Variants in NXPH1 observed in about 807,000 individuals in gnomAD.
NXPH1 encodes neurexophilin-1.
NXPH1 carries 5 observed loss-of-function variants against 23.7 expected under a neutral mutation model. The observed-to-expected ratio is 0.21, with a 90% CI of 0.11 to 0.44. The LOEUF is 0.44. Among genes scored for constraint, NXPH1 ranks in the 20% least tolerant of loss-of-function variants. The pLI, the probability that NXPH1 is intolerant of heterozygous loss-of-function variation, is 0.99. For missense variants in NXPH1, 324 were observed against 321.6 expected (o/e 1.01, Z -0.06); for synonymous variants, 144 against 122.2 (o/e 1.18, Z -1.18).
intron 2 of NXPH1, among the ~76,000 whole-genome samples, chr7:8,738,575 A>G (rs562448898): frequency 2.8e-4 from 42 of 152,250 alleles, no homozygotes; most frequent in African/African-American, 1.0e-3. Flanking sequence ...GCTTGGGGGT[A>G]TCTCCCAGTC....
rs1397826241 is a variant in NXPH1 at position 8,710,451 on chromosome 7, TCA to T, written c.55-40556_55-40555del. ...AGGTTTGTTCTCTGTCTTCTGCAAC[TCA>T]TATTTTACATTTTAAAGAAGCATTT... On this transcript the variant is annotated intron_variant, in intron 2 of 2. Coordinates refer to ENST00000405863, the MANE Select transcript of NXPH1 (RefSeq NM_152745.3). Among the ~76,000 whole-genome samples, 4 of 152,162 alleles carry T rather than the reference TCA, an allele frequency of 2.6e-5. No homozygotes were observed. The East Asian group carries it at 7.7e-4, about 29-fold the overall frequency.
chr7:8,721,263 TGAGA>T (rs1779965838), intron 2 of NXPH1, among the ~76,000 whole-genome samples: 4 of 152,040 alleles, frequency 2.6e-5, no homozygotes, highest in African/African-American at 9.6e-5. Flanking sequence ...TGCATAAATA[TGAGA>T]GAGAGTAAGA....
At chr7:8,525,383 T>C (rs928700855) in intron 2 of NXPH1, among the ~76,000 whole-genome samples, 1 of 152,180 alleles carries the variant, frequency 6.6e-6, no homozygotes, top group Non-Finnish European at 1.5e-5. Flanking sequence ...AATAAAAGTT[T>C]GGAGAATTTG....
In NXPH1 at chr7:8,436,091, A is replaced by G. The variant is rs554493560; in HGVS notation, c.54+324A>G. On this transcript the variant is annotated intron_variant, in intron 2 of 2. Transcript: ENST00000405863. ...CCAACGAGAAGAAGTGGAAGGCAGG[A>G]ACTCTCAGTAGCTCATGCACAGAGT... Among the ~76,000 whole-genome samples the G allele has an allele frequency of 4.6e-4, 70 of 152,276 alleles. 1 individual carries two copies. Among genetic ancestry groups the G allele is most frequent in the Non-Finnish European group, 2.1e-4 (14 of 68,016 alleles).
chr7:8,516,238 C>G (rs1554429693), intron 2 of NXPH1, among the ~76,000 whole-genome samples: 2 of 152,048 alleles, frequency 1.3e-5, no homozygotes, highest in Non-Finnish European at 2.9e-5. Flanking sequence ...TCTACTATAT[C>G]TCTTTCCTCC....
intron 2 of NXPH1, among the ~76,000 whole-genome samples, chr7:8,732,203 T>C (rs7810782): frequency 0.65 from 98,741 of 152,172 alleles, 33,457 homozygotes; most frequent in African/African-American, 0.85. Context: ...CTTCGGCTCG[T>C]GCATGGTGCG....
chr7:8,464,562 T>C (rs1816747599), intron 2 of NXPH1, among the ~76,000 whole-genome samples: 1 of 152,212 alleles, frequency 6.6e-6, no homozygotes, highest in South Asian at 2.1e-4. Flanking sequence ...TCAAGGCACC[T>C]CCTTAACATA....
chr7:8,657,924 G>A (rs1183905126), intron 2 of NXPH1, among the ~76,000 whole-genome samples: 2 of 152,070 alleles, frequency 1.3e-5, no homozygotes, highest in Non-Finnish European at 2.9e-5. Flanking sequence ...GCTACTCGGG[G>A]GGCTGAAGTA....
intron 2 of NXPH1, among the ~76,000 whole-genome samples, chr7:8,535,733 T>A (rs12667808): frequency 0.27 from 41,439 of 151,864 alleles, 6,921 homozygotes; most frequent in Admixed American, 0.41. Flanking sequence ...AGATAAGGGA[T>A]CAGGCAAAGC....
At chr7:8,692,885 G>A (rs1239424105) in intron 2 of NXPH1, among the ~76,000 whole-genome samples, 3 of 152,150 alleles carry the variant, frequency 2.0e-5, no homozygotes, top group Admixed American at 2.0e-4. Flanking sequence ...CAAGGAAGAA[G>A]GGGATTTGAA....
In NXPH1 at chr7:8,435,822, G is replaced by A. The variant is rs1816184113; in HGVS notation, c.54+55G>A. On this transcript the variant is annotated intron_variant, in intron 2 of 2. Coordinates refer to ENST00000405863, the MANE Select transcript of NXPH1 (RefSeq NM_152745.3). This position sits in a 1 kb window ranked among gnomAD's most constrained non-coding sequence, Gnocchi z 5.9. ...ATTTTTACCCCGGCCGGGAGGCAAG[G>A]AAACTGGGGACACGCGGGAGAAGGG... The A allele has an allele frequency of 4.6e-6, 7 of 1,526,296 alleles. No individual in the cohort carries two copies. The highest frequency in any genetic ancestry group is 4.5e-5 in the East Asian group (2 of 44,448). 94.5% of individuals were successfully genotyped at this position (1,526,296 alleles called of 1,614,324 possible).
chr7:8,600,842 C>G (rs1015566749), intron 2 of NXPH1, among the ~76,000 whole-genome samples: 1 of 151,822 alleles, frequency 6.6e-6, no homozygotes, highest in African/African-American at 2.4e-5. Context: ...CCTCTGTATC[C>G]CTGGGTTCTG....
At chr7:8,614,625 T>C (rs577541717) in intron 2 of NXPH1, among the ~76,000 whole-genome samples, 1 of 152,022 alleles carries the variant, frequency 6.6e-6, no homozygotes, top group Non-Finnish European at 1.5e-5. Context: ...GGTATGTATA[T>C]GTCTATAGTT....
In NXPH1 at chr7:8,591,077, C is replaced by A. The variant is rs577047564; in HGVS notation, c.54+155310C>A. 1.1e-4 allele frequency among the ~76,000 whole-genome samples: 16 copies of A among 152,128 alleles called. No homozygotes were observed. In the East Asian group the frequency reaches 3.1e-3, roughly 29 times the overall value. ...TTAGTTTAGAACAGCGTAAGAAAAGCAGAGAGGAGAAAACAAGATACTATT... is the reference window on the plus strand; with the variant it reads ...TTAGTTTAGAACAGCGTAAGAAAAGAAGAGAGGAGAAAACAAGATACTATT... On this transcript the variant is annotated intron_variant, in intron 2 of 2. Transcript: ENST00000405863.
chr7:8,678,212 T>G (rs1820983447), intron 2 of NXPH1, among the ~76,000 whole-genome samples: 1 of 152,216 alleles, frequency 6.6e-6, no homozygotes, highest in South Asian at 2.1e-4. Context: ...CCCAAGGGTC[T>G]ACAAAACTCA....
intron 2 of NXPH1, among the ~76,000 whole-genome samples, chr7:8,622,682 A>G (rs139720900): frequency 2.6e-3 from 391 of 152,350 alleles, no homozygotes; most frequent in African/African-American, 9.2e-3. Context: ...AGGATAACAA[A>G]TATTTATTGA....
chr7:8,492,854 T>C (rs544109391), intron 2 of NXPH1, among the ~76,000 whole-genome samples: 4 of 152,166 alleles, frequency 2.6e-5, no homozygotes, highest in Non-Finnish European at 5.9e-5. Flanking sequence ...TTTATCCCCT[T>C]AAGTTTGGCT....
chr7:8,643,341 T>C (rs916135123), intron 2 of NXPH1, among the ~76,000 whole-genome samples: 1 of 152,110 alleles, frequency 6.6e-6, no homozygotes, highest in Non-Finnish European at 1.5e-5. Context: ...GAAAATTGAT[T>C]TGAGGCTATG....
At chr7:8,684,962 C>G (rs184907032) in intron 2 of NXPH1, among the ~76,000 whole-genome samples, 3 of 152,232 alleles carry the variant, frequency 2.0e-5, no homozygotes, top group African/African-American at 7.2e-5. Flanking sequence ...CCATGTTGCA[C>G]TGTATAACTA....
Sources: allele counts gnomAD v4.1 joint callset (sites outside exome capture counted in the v4.1 genomes callset), GRCh38; gene constraint gnomAD v4.1.1; non-coding constraint Gnocchi (gnomAD v3.1); transcripts MANE v1.5; gene names NCBI Gene and HGNC (gene_info 2026-07-23, HGNC 2026-07-21).